ABCA10: variants seen among roughly 807,000 people sequenced by gnomAD.
ABCA10 encodes the protein ATP binding cassette subfamily A member 10.
ABCA10 carries 169 observed loss-of-function variants against 187.5 expected under a neutral mutation model. The ratio of observed to expected loss-of-function variants is 0.90; its 90% CI spans 0.80 to 1.02. The LOEUF (loss-of-function observed/expected upper bound fraction) is 1.02. Among genes scored for constraint, ABCA10 ranks in the 50% least tolerant of loss-of-function variants. The probability of loss-of-function intolerance (pLI) is 0.00; values close to 1 mark genes in which losing one functional copy is unlikely to be tolerated. For synonymous variants in ABCA10, 574 were observed against 601.8 expected (o/e 0.95, Z 0.68); for missense variants, 1,727 against 1,812.4 (o/e 0.95, Z 0.86).
chr17:69,204,781 A>G (rs574668515), intron 9 of ABCA10, among the ~76,000 whole-genome samples: 1 of 152,352 alleles, frequency 6.6e-6, no homozygotes, highest in East Asian at 1.9e-4. Context: ...TTATAAGTGT[A>G]AAAACATTTA....
intron 36 of ABCA10, among the ~76,000 whole-genome samples, chr17:69,150,795 G>A (rs1000587507): frequency 1.3e-5 from 2 of 152,164 alleles, no homozygotes; most frequent in African/African-American, 4.8e-5. Context: ...CTACGTATGT[G>A]TAGTGACTAC....
In ABCA10 at chr17:69,174,641, C is replaced by G. The variant is rs1316462583; in HGVS notation, c.3014G>C (p.Gly1005Ala). ...IHLIYYFIFL[G>A]FQLSWELMFV... ...CATGAGTTCCCATGAAAGCTGGAAT[C>G]CCAGAAATATGAAGTAGTAAATTAA... Residue 1005 changes from glycine to alanine, a missense_variant, in exon 24 of 39, where the codon GGA (glycine) becomes GCA (alanine). By Grantham distance (60) the Gly-to-Ala change is moderately conservative (BLOSUM62 0). Transcript: ENST00000690296. 4 of 1,605,934 alleles carry G rather than the reference C, an allele frequency of 2.5e-6. No homozygotes were observed. In the South Asian group the frequency reaches 3.4e-5, roughly 13 times the overall value.
chr17:69,210,900 G>T (rs1309326042), intron 9 of ABCA10, among the ~76,000 whole-genome samples: 3 of 141,742 alleles, frequency 2.1e-5, no homozygotes, highest in Non-Finnish European at 4.5e-5. Context: ...TGATTGATGG[G>T]CATTTGGGCT....
Position 69,185,536 on chromosome 17 carries a change from A to G in ABCA10, c.2438T>C (p.Leu813Pro). ...CGTCTTCGGGATTTGTTCCAGAGAA[A>G]GGAAATACATACTGGGTGAAAACTC... Reference protein sequence around the residue: ...CWEFSPSMYFLSLEQIPKTPL... With the variant: ...CWEFSPSMYFPSLEQIPKTPL... Residue 813 changes from leucine to proline, a missense_variant, in exon 20 of 39, where the codon CTT becomes CCT. Transcript: ENST00000690296. The G allele has an allele frequency of 1.2e-6, 2 of 1,613,604 alleles. No individual in the cohort carries two copies. The highest frequency in any genetic ancestry group is 2.2e-5 in the East Asian group (1 of 44,858).
chr17:69,169,125 C>A (rs1009917899), intron 25 of ABCA10, among the ~76,000 whole-genome samples: 3 of 152,336 alleles, frequency 2.0e-5, no homozygotes, highest in Middle Eastern at 3.4e-3. Flanking sequence ...GAAAGTACTA[C>A]TGTTATTATA....
chr17:69,225,532 C>T lies in ABCA10; in HGVS notation c.-171-3G>A, dbSNP rs939059248. On this transcript the variant is annotated splice_region_variant and splice_polypyrimidine_tract_variant and intron_variant, in intron 2 of 38. Coordinates refer to ENST00000690296, the MANE Select transcript of ABCA10 (RefSeq NM_001377321.1). The stretch of plus-strand genomic sequence containing the variant: ...AGAAACAATGTTATTGTCCATTCCT[C>T]CAGCACACAAAAGAGAAATGAGCCA... 2 of 578,268 alleles carry T rather than the reference C, an allele frequency of 3.5e-6. No individual in the cohort carries two copies. The highest frequency in any genetic ancestry group is 3.4e-5 in the Admixed American group (1 of 29,292). 35.8% of individuals were successfully genotyped at this position (578,268 alleles called of 1,614,324 possible). A position where few individuals can be genotyped will look rare whatever the true frequency, so the allele number is the denominator to read the frequency against.
intron 16 of ABCA10, 63 bp from the exon 17 acceptor site, chr17:69,191,378 G>C: frequency 1.4e-6 from 2 of 1,403,546 alleles, no homozygotes; most frequent in Non-Finnish European, 1.9e-6. Flanking sequence ...CTCATGAAAA[G>C]ATAGTTTTCT....
Position 69,193,162 on chromosome 17 carries a change from G to A in ABCA10, c.1728C>T (p.Asp576=). 1 of 1,614,036 alleles carries A rather than the reference G, an allele frequency of 6.2e-7. No homozygotes were observed. The highest frequency in any genetic ancestry group is 8.5e-7 in the Non-Finnish European group (1 of 1,179,966). The change falls in exon 15 of 39, where the codon GAC becomes GAT. Residue 576 remains aspartate, a synonymous_variant. Transcript: ENST00000690296. ...ATTGGGTACTGAAGAGGATAAGTCG[G>A]TCTACTTTATGCTCCTTCAGGAGGC... ...VWSLLKEHKV[D]RLILFSTQFM... is the part of the protein sequence containing the mutation.
intron 27 of ABCA10, among the ~76,000 whole-genome samples, chr17:69,160,343 T>C (rs962919797): frequency 2.6e-5 from 4 of 152,174 alleles, no homozygotes; most frequent in African/African-American, 9.7e-5. Context: ...GCACGGTGGC[T>C]CACGCCTGCA....
Position 69,203,279 on chromosome 17 carries a change from A to G in ABCA10, c.1007-1611T>C, listed in dbSNP as rs552615874. On this transcript the variant is annotated intron_variant, in intron 9 of 38. Coordinates refer to ENST00000690296, the MANE Select transcript of ABCA10 (RefSeq NM_001377321.1). ...TACACTATGAAAAAACAAAGAAAAA[A>G]TTTTAGAAGGGGAAACAAATTAAAA... Among the ~76,000 whole-genome samples the G allele has an allele frequency of 2.6e-5, 4 of 152,330 alleles. No homozygotes were observed. In the South Asian group the frequency reaches 6.2e-4, roughly 24 times the overall value.
intron 9 of ABCA10, among the ~76,000 whole-genome samples, chr17:69,210,457 G>A (rs915583590): frequency 1.3e-5 from 2 of 151,706 alleles, no homozygotes; most frequent in Non-Finnish European, 2.9e-5. Flanking sequence ...CCAAAGTGCT[G>A]GGATTACAGG....
intron 1 of ABCA10, among the ~76,000 whole-genome samples, chr17:69,243,382 T>A (rs538676162): frequency 5.8e-4 from 88 of 152,312 alleles, no homozygotes; most frequent in African/African-American, 2.1e-3. Context: ...GCTACAAACC[T>A]GGACAGCATG....
chr17:69,172,015 A>C (rs977900296), intron 25 of ABCA10, among the ~76,000 whole-genome samples: 5 of 151,794 alleles, frequency 3.3e-5, no homozygotes, highest in Admixed American at 2.6e-4. Flanking sequence ...GAACAAATAG[A>C]TTGATTTAAA....
At chr17:69,157,559 G>T (rs1175792235) in intron 27 of ABCA10, among the ~76,000 whole-genome samples, 1 of 152,116 alleles carries the variant, frequency 6.6e-6, no homozygotes. Flanking sequence ...TCGCTGGATG[G>T]TCAAAACAAA....
chr17:69,232,220 G>A (rs943038375), upstream of ABCA10, among the ~76,000 whole-genome samples: 15 of 152,014 alleles, frequency 9.9e-5, no homozygotes, highest in Non-Finnish European at 1.6e-4. Flanking sequence ...ATTGAAGAAT[G>A]TATTTCATTT....
chr17:69,191,012 C>T (rs1482168736), intron 17 of ABCA10, among the ~76,000 whole-genome samples, 164 bp downstream of exon 17: 12 of 151,980 alleles, frequency 7.9e-5, no homozygotes, highest in Non-Finnish European at 1.6e-4. Flanking sequence ...TATAATACGT[C>T]CCTGGTAACA....
At chr17:69,240,499 A>G (rs1558168) in intron 1 of ABCA10, among the ~76,000 whole-genome samples, 87,438 of 152,042 alleles carry the variant, frequency 0.58, 25,500 homozygotes, top group Non-Finnish European at 0.62. Context: ...CTATGGTCCC[A>G]GAATAGAGGA....
intron 22 of ABCA10, among the ~76,000 whole-genome samples, chr17:69,176,746 C>T (rs2074338090): frequency 6.6e-6 from 1 of 152,144 alleles, no homozygotes; most frequent in Admixed American, 6.5e-5. Context: ...AAGACTTCAT[C>T]ATGCTACTCA....
chr17:69,190,011 T>C (rs947281658), intron 18 of ABCA10, among the ~76,000 whole-genome samples: 8 of 152,306 alleles, frequency 5.3e-5, no homozygotes, highest in Admixed American at 2.0e-4. Flanking sequence ...CACATTTTTA[T>C]AAGGAATGGC....
Sources: allele counts gnomAD v4.1 joint callset (sites outside exome capture counted in the v4.1 genomes callset), GRCh38; gene constraint gnomAD v4.1.1; transcripts MANE v1.5; gene names NCBI Gene and HGNC (gene_info 2026-07-23, HGNC 2026-07-21).